The following CTNNA3 variants were observed in gnomAD, a reference collection of about 807,000 sequenced individuals.
CTNNA3 encodes catenin alpha-3.
A neutral mutation model predicts 95.7 loss-of-function variants in CTNNA3; 76 were observed. The ratio of observed to expected loss-of-function variants is 0.79; its 90% CI spans 0.66 to 0.96. CTNNA3 has a LOEUF of 0.96. Among genes scored for constraint, CTNNA3 ranks in the 40% least tolerant of loss-of-function variants. The pLI is 0.00. For missense variants in CTNNA3, 1,191 were observed against 1,089.8 expected (o/e 1.09, Z -1.31); for synonymous variants, 431 against 374.4 (o/e 1.15, Z -1.74).
intron 11 of CTNNA3, among the ~76,000 whole-genome samples, chr10:66,487,133 G>A (rs185048737): frequency 8.8e-4 from 129 of 146,066 alleles, no homozygotes; most frequent in African/African-American, 2.9e-3. Flanking sequence ...GCATGGTGAC[G>A]ATAGTAATAA....
Position 67,291,567 on chromosome 10 carries a change from C to T in CTNNA3, c.580-71697G>A, listed in dbSNP as rs531201788. 3.9e-5 allele frequency among the ~76,000 whole-genome samples: 6 copies of T among 152,256 alleles called. No individual in the cohort carries two copies. In the South Asian group the frequency reaches 1.0e-3, roughly 26 times the overall value. ...CTGTTCAGAAGCTCATGTACATCTA[C>T]CATTGTGAGCACCCAAATAGTTTGT... On this transcript the variant is annotated intron_variant, in intron 5 of 17. Transcript: ENST00000433211.
At chr10:67,039,391 C>T (rs577155311) in intron 7 of CTNNA3, among the ~76,000 whole-genome samples, 1 of 152,070 alleles carries the variant, frequency 6.6e-6, no homozygotes, top group Admixed American at 6.6e-5. Context: ...GCAGAAAAAG[C>T]CTAGTATTAG....
At chr10:67,705,853 C>T (rs1276254153) in intron 1 of CTNNA3, among the ~76,000 whole-genome samples, 2 of 151,408 alleles carry the variant, frequency 1.3e-5, no homozygotes, top group Admixed American at 6.6e-5. Flanking sequence ...CTAGCGTAAC[C>T]GACATACAGG....
chr10:67,583,193 G>C (rs1842476017), intron 3 of CTNNA3, among the ~76,000 whole-genome samples: 1 of 152,120 alleles, frequency 6.6e-6, no homozygotes. Context: ...GCAGTGGCTG[G>C]TACCGGTTGT....
chr10:67,550,752 C>T (rs1841000204), intron 3 of CTNNA3, among the ~76,000 whole-genome samples: 1 of 145,008 alleles, frequency 6.9e-6, no homozygotes, highest in Non-Finnish European at 1.5e-5. Context: ...GCCTTTAGTT[C>T]TCAGAGAAAC....
chr10:66,288,100 A>AC (rs775560024), intron 12 of CTNNA3, among the ~76,000 whole-genome samples: 89 of 152,270 alleles, frequency 5.8e-4, no homozygotes, highest in Middle Eastern at 6.8e-3. Context: ...ATATGCAGAT[A>AC]TAAACATAAA....
chr10:67,372,631 CAAA>C (rs1163925679), intron 5 of CTNNA3, among the ~76,000 whole-genome samples: 3 of 152,228 alleles, frequency 2.0e-5, no homozygotes, highest in African/African-American at 7.2e-5. Flanking sequence ...GAGAACACCA[CAAA>C]GATACTCCTC....
At chr10:65,940,103 A>G (rs779176034) in intron 17 of CTNNA3, among the ~76,000 whole-genome samples, 48 of 152,184 alleles carry the variant, frequency 3.2e-4, no homozygotes, top group Non-Finnish European at 1.3e-4. Flanking sequence ...CTAGAACCCA[A>G]TATTTACCTT....
At chr10:66,447,050 A>C (rs1279549002) in intron 11 of CTNNA3, among the ~76,000 whole-genome samples, 3 of 151,822 alleles carry the variant, frequency 2.0e-5, no homozygotes, top group African/African-American at 7.2e-5. Flanking sequence ...CAGAGAGCCA[A>C]ATCATGAGTG....
intron 3 of CTNNA3, among the ~76,000 whole-genome samples, chr10:67,543,448 C>T (rs1840744684): frequency 6.6e-6 from 1 of 151,908 alleles, no homozygotes. Context: ...TTACAAGTTC[C>T]TTTGCTTCAT....
Position 66,478,491 on chromosome 10 carries a change from T to C in CTNNA3, c.1531+42126A>G, listed in dbSNP as rs1052566416. Among the ~76,000 whole-genome samples, 8 of 151,986 alleles carry C rather than the reference T, an allele frequency of 5.3e-5. No homozygotes were observed. In the South Asian group the frequency reaches 1.7e-3, roughly 31 times the overall value. On this transcript the variant is annotated intron_variant, in intron 11 of 17. Transcript: ENST00000433211. Reference sequence around the variant, plus strand: ...TAAATAATTGAAATATTTTAAGGACTATATTATTTTAAACATGTGTAAACT... The same window carrying C: ...TAAATAATTGAAATATTTTAAGGACCATATTATTTTAAACATGTGTAAACT...
chr10:66,859,917 C>CA (rs1245203062), intron 7 of CTNNA3, among the ~76,000 whole-genome samples: 1 of 129,524 alleles, frequency 7.7e-6, no homozygotes, highest in African/African-American at 3.0e-5. Context: ...ATCGCAAGGA[C>CA]AAAAAACCAA....
At chr10:67,129,914 C>T (rs905347625) in intron 7 of CTNNA3, among the ~76,000 whole-genome samples, 4 of 152,002 alleles carry the variant, frequency 2.6e-5, no homozygotes. Context: ...TGGTATTTCT[C>T]ACTTATTCTG....
At chr10:66,999,527 T>C (rs1036446480) in intron 7 of CTNNA3, among the ~76,000 whole-genome samples, 2 of 152,188 alleles carry the variant, frequency 1.3e-5, no homozygotes, top group Non-Finnish European at 2.9e-5. Context: ...TCAATCACTA[T>C]TGTCTCTCTT....
chr10:67,051,824 G>A (rs10762134), intron 7 of CTNNA3, among the ~76,000 whole-genome samples: 53,513 of 150,974 alleles, frequency 0.35, 11,151 homozygotes, highest in East Asian at 0.51. Context: ...GCACCATCTC[G>A]GCTCACTGCA....
intron 16 of CTNNA3, among the ~76,000 whole-genome samples, chr10:65,975,233 C>T (rs76779078): frequency 6.6e-6 from 1 of 152,028 alleles, no homozygotes; most frequent in South Asian, 2.1e-4. Context: ...TACAGGATAG[C>T]CAGACAGAGA....
chr10:66,320,566 C>T (rs1036242276), intron 12 of CTNNA3, among the ~76,000 whole-genome samples: 1 of 152,070 alleles, frequency 6.6e-6, no homozygotes, highest in Non-Finnish European at 1.5e-5. Context: ...AGGAGCATGA[C>T]ACATTGACAG....
chr10:66,828,636 A>C (rs1344978703), intron 7 of CTNNA3, among the ~76,000 whole-genome samples: 1 of 152,230 alleles, frequency 6.6e-6, no homozygotes, highest in Non-Finnish European at 1.5e-5. Flanking sequence ...TTCTGAGGAC[A>C]GCAAATAAAG....
chr10:67,673,100 G>T (rs1233752386), intron 1 of CTNNA3, among the ~76,000 whole-genome samples: 2 of 151,924 alleles, frequency 1.3e-5, no homozygotes, highest in African/African-American at 4.8e-5. Context: ...GGATTCCCAG[G>T]TATTTTATTC....
Sources: allele counts gnomAD v4.1 joint callset (sites outside exome capture counted in the v4.1 genomes callset), GRCh38; gene constraint gnomAD v4.1.1; transcripts MANE v1.5; gene names NCBI Gene and HGNC (gene_info 2026-07-23, HGNC 2026-07-21).